The following LRRC8C variants were observed in gnomAD, a reference collection of about 807,000 sequenced individuals.
LRRC8C encodes the protein volume-regulated anion channel subunit LRRC8C.
Under a neutral mutation model 55.3 loss-of-function variants are expected in LRRC8C, and 20 were observed. The observed-to-expected ratio is 0.36, with a 90% confidence interval of 0.25 to 0.53. LRRC8C has a LOEUF of 0.53. Among genes scored for constraint, LRRC8C ranks in the 20% least tolerant of loss-of-function variants. LRRC8C has a pLI of 0.92. For synonymous variants in LRRC8C, 376 were observed against 360.7 expected (o/e 1.04, Z -0.48); for missense variants, 659 against 951.4 (o/e 0.69, Z 4.04).
intron 1 of LRRC8C, among the ~76,000 whole-genome samples, chr1:89,666,511 T>G (rs1004824564): frequency 1.3e-5 from 2 of 152,116 alleles, no homozygotes; most frequent in African/African-American, 4.8e-5. Context: ...ACTCTCTAAA[T>G]AAGATAGAAT....
intron 1 of LRRC8C, among the ~76,000 whole-genome samples, chr1:89,651,328 G>T (rs549575243): frequency 6.6e-6 from 1 of 152,058 alleles, no homozygotes; most frequent in Non-Finnish European, 1.5e-5. Context: ...CAACACTTTG[G>T]GAGGCCAAGG....
chr1:89,621,262 C>G, the LRRC8C span, among the ~76,000 whole-genome samples: 2 of 146,306 alleles, frequency 1.4e-5, no homozygotes, highest in Admixed American at 1.4e-4. Context: ...AGATCGAGAT[C>G]ATCCTGGCTA....
Position 89,714,955 on chromosome 1 carries a change from C to T in LRRC8C, c.2385C>T (p.Asp795=), listed in dbSNP as rs779235107. 19 of 1,586,238 alleles carry T rather than the reference C, an allele frequency of 1.2e-5. No individual in the cohort carries two copies. The highest frequency in any genetic ancestry group is 6.7e-5 in the East Asian group (3 of 44,636). The change falls in exon 3 of 3, where the codon GAC becomes GAT. Residue 795 remains aspartate, a synonymous_variant. Coordinates refer to ENST00000370454, the MANE Select transcript of LRRC8C (RefSeq NM_032270.5). The surrounding 1 kb of genome is among the most constrained non-coding windows in gnomAD (Gnocchi z 4.6). The stretch of plus-strand genomic sequence containing the variant: ...CTCTGTTTGAAACTCTGCCTTCTGA[C>T]GTCCGGGAGCAAATGAAAACAGAAT... The part of the protein sequence containing the change: ...EDALFETLPS[D]VREQMKTE
intron 1 of LRRC8C, among the ~76,000 whole-genome samples, chr1:89,651,202 C>T (rs978693122): frequency 1.3e-5 from 2 of 152,160 alleles, no homozygotes; most frequent in Non-Finnish European, 2.9e-5. Context: ...TTAGTGCAAA[C>T]TGTTTTGGTA....
the LRRC8C span, among the ~76,000 whole-genome samples, chr1:89,627,394 T>C: frequency 6.6e-6 from 1 of 152,120 alleles, no homozygotes; most frequent in Non-Finnish European, 1.5e-5. Context: ...TTATAGTTCA[T>C]GTTGCCTTAA....
At chr1:89,648,543 A>G (rs1656675716) in intron 1 of LRRC8C, among the ~76,000 whole-genome samples, 1 of 152,176 alleles carries the variant, frequency 6.6e-6, no homozygotes, top group African/African-American at 2.4e-5. Context: ...GTGAACCAAA[A>G]CACATGAATG....
At chr1:89,638,967 A>ATTATTTTATTTTATTTTATT (rs11270989) in intron 1 of LRRC8C, among the ~76,000 whole-genome samples, 6,363 of 137,826 alleles carry the variant, frequency 0.046, 303 homozygotes, top group East Asian at 0.18. Context: ...TATTTTACTT[A>ATTATTTTATTTTATTTTATT]TTATTTTATT....
chr1:89,672,020 A>G (rs147484395), intron 1 of LRRC8C, among the ~76,000 whole-genome samples: 1 of 152,348 alleles, frequency 6.6e-6, no homozygotes, highest in Non-Finnish European at 1.5e-5. Context: ...TACAGATAGA[A>G]AATGACAGGG....
At chr1:89,639,142 C>T (rs557806347) in intron 1 of LRRC8C, among the ~76,000 whole-genome samples, 8 of 151,986 alleles carry the variant, frequency 5.3e-5, no homozygotes, top group African/African-American at 1.4e-4. Flanking sequence ...CAAGCCACCA[C>T]GTCTGGCTAA....
chr1:89,646,760 T>A (rs1656625219), intron 1 of LRRC8C, among the ~76,000 whole-genome samples: 1 of 152,080 alleles, frequency 6.6e-6, no homozygotes, highest in African/African-American at 2.4e-5. Context: ...GCCAGTGTGA[T>A]AAGGATGAAA....
chr1:89,645,496 A>G (rs377564894), intron 1 of LRRC8C, among the ~76,000 whole-genome samples: 2 of 152,192 alleles, frequency 1.3e-5, no homozygotes, highest in African/African-American at 4.8e-5. Flanking sequence ...GTGAAAACAC[A>G]TCAACTTACC....
chr1:89,624,511 G>T, the LRRC8C span, among the ~76,000 whole-genome samples: 1 of 152,178 alleles, frequency 6.6e-6, no homozygotes, highest in East Asian at 1.9e-4. Flanking sequence ...ATTCCTCAGT[G>T]TAACAGAACA....
At chr1:89,707,651 AGTGTGT>A (rs34052147) in intron 2 of LRRC8C, among the ~76,000 whole-genome samples, 13 of 140,034 alleles carry the variant, frequency 9.3e-5, no homozygotes, top group African/African-American at 2.5e-4. Flanking sequence ...TGTGTGTGTG[AGTGTGT>A]GTGTGTGTGT....
At chr1:89,684,689 A>G (rs754291737) in intron 1 of LRRC8C, among the ~76,000 whole-genome samples, 10 of 152,236 alleles carry the variant, frequency 6.6e-5, no homozygotes, top group Non-Finnish European at 1.2e-4. Context: ...AGTTTGGACT[A>G]GTCTGAAATT....
rs1467497939 is a variant in LRRC8C, at chr1:89,717,427, T to C, written c.*2445T>C. 1.3e-5 allele frequency: 2 copies of C among 152,142 alleles called. No individual in the cohort carries two copies. The highest frequency in any genetic ancestry group is 2.4e-5 in the African/African-American group (1 of 41,418). 9.4% of individuals were successfully genotyped at this position (152,142 alleles called of 1,614,324 possible). A position where few individuals can be genotyped will look rare whatever the true frequency, so the allele number is the denominator to read the frequency against. ...ATTTTTATCACTTGTAAAAATTTGC[T>C]CAAAATTCCAAAAAAATATTGATTT... On this transcript the variant is annotated 3_prime_UTR_variant, in exon 3 of 3. Transcript: ENST00000370454.
At chr1:89,658,794 A>G (rs958395514) in intron 1 of LRRC8C, among the ~76,000 whole-genome samples, 2 of 152,182 alleles carry the variant, frequency 1.3e-5, no homozygotes, top group Non-Finnish European at 2.9e-5. Flanking sequence ...CTGTACTCTC[A>G]TTTAGCTATT....
At chr1:89,641,546 A>C (rs1656455126) in intron 1 of LRRC8C, among the ~76,000 whole-genome samples, 1 of 152,192 alleles carries the variant, frequency 6.6e-6, no homozygotes, top group African/African-American at 2.4e-5. Flanking sequence ...GTTGCTGATC[A>C]AGTTAGAAAC....
intron 2 of LRRC8C, among the ~76,000 whole-genome samples, chr1:89,707,651 AGT>A (rs34052147): frequency 0.09 from 12,577 of 139,834 alleles, 622 homozygotes; most frequent in Middle Eastern, 0.13. Flanking sequence ...TGTGTGTGTG[AGT>A]GTGTGTGTGT....
At chr1:89,657,294 G>A (rs1656972602) in intron 1 of LRRC8C, among the ~76,000 whole-genome samples, 1 of 152,138 alleles carries the variant, frequency 6.6e-6, no homozygotes, top group Non-Finnish European at 1.5e-5. Context: ...ACTGTAATCA[G>A]TTCATAGGAA....
Sources: allele counts gnomAD v4.1 joint callset (sites outside exome capture counted in the v4.1 genomes callset), GRCh38; gene constraint gnomAD v4.1.1; non-coding constraint Gnocchi (gnomAD v3.1); transcripts MANE v1.5; gene names NCBI Gene and HGNC (gene_info 2026-07-23, HGNC 2026-07-21).